Variants in IL7 observed in about 807,000 individuals in gnomAD.
The protein encoded by IL7 is interleukin-7.
Under a neutral mutation model 21.6 loss-of-function variants are expected in IL7, and 3 were observed. The ratio of observed to expected loss-of-function variants is 0.14; its 90% CI spans 0.06 to 0.36. The LOEUF is 0.36. IL7 is among the 10% of genes least tolerant of loss of function. The pLI is 1.00. For synonymous variants in IL7, 62 were observed against 68.1 expected (o/e 0.91, Z 0.44); for missense variants, 175 against 200.2 (o/e 0.87, Z 0.76).
At chr8:78,689,126 T>G in intron 3 of IL7, 1 of 909,096 alleles carries the variant, frequency 1.1e-6, no homozygotes, top group Non-Finnish European at 1.5e-6. Flanking sequence ...ATGTTATTAC[T>G]TATATTTTTT....
At chr8:78,770,123 G>T (rs1288764304) in intron 2 of IL7, among the ~76,000 whole-genome samples, 1 of 152,148 alleles carries the variant, frequency 6.6e-6, no homozygotes, top group Non-Finnish European at 1.5e-5. Flanking sequence ...ACATAGGCAT[G>T]GGCAAGAGCT....
intron 2 of IL7, among the ~76,000 whole-genome samples, chr8:78,778,935 A>G (rs1290751123): frequency 1.3e-5 from 2 of 151,950 alleles, no homozygotes; most frequent in Admixed American, 6.6e-5. Flanking sequence ...AGTGGTTTGT[A>G]TTTCTCCCTG....
chr8:78,680,232 A>G (rs1809727055), intron 4 of IL7, among the ~76,000 whole-genome samples: 1 of 144,988 alleles, frequency 6.9e-6, no homozygotes, highest in Admixed American at 7.4e-5. Context: ...AATTCTAGAA[A>G]AAAGCAAAGT....
At chr8:78,730,566 A>G (rs1467716109), downstream of IL7, among the ~76,000 whole-genome samples, 3 of 151,928 alleles carry the variant, frequency 2.0e-5, no homozygotes, top group African/African-American at 7.2e-5. Context: ...GTCCTAAATT[A>G]GTTATGTTTT....
At chr8:78,712,041 G>A in intron 3 of IL7, 1 of 1,289,670 alleles carries the variant, frequency 7.8e-7, no homozygotes, top group South Asian at 1.2e-5. Flanking sequence ...TTGTGCAAAG[G>A]TTGTATGACA....
At chr8:78,689,311 A>C (rs147883140) in intron 3 of IL7, 3 of 1,605,082 alleles carry the variant, frequency 1.9e-6, no homozygotes, top group African/African-American at 1.3e-5. Flanking sequence ...GGCAGCACGT[A>C]TTAGTAATAA....
downstream of IL7, chr8:78,717,461 T>G: frequency 6.3e-7 from 1 of 1,599,186 alleles, no homozygotes; most frequent in South Asian, 1.1e-5. Context: ...CAAATTTTGC[T>G]GTGAATGTGG....
chr8:78,750,429 A>T (rs1222225246), intron 2 of IL7, among the ~76,000 whole-genome samples: 1 of 152,192 alleles, frequency 6.6e-6, no homozygotes, highest in African/African-American at 2.4e-5. Flanking sequence ...AAGGCATACT[A>T]GAAGGCAAAA....
intron 2 of IL7, among the ~76,000 whole-genome samples, chr8:78,756,241 G>C (rs900202337): frequency 6.6e-6 from 1 of 151,746 alleles, no homozygotes; most frequent in African/African-American, 2.4e-5. Flanking sequence ...TTAGTATTTT[G>C]TTGAGAAACT....
At chr8:78,690,411 T>G (rs925148116) in intron 3 of IL7, among the ~76,000 whole-genome samples, 1 of 151,966 alleles carries the variant, frequency 6.6e-6, no homozygotes. Context: ...ATACAAAAAA[T>G]TAGCTGGACG....
intron 4 of IL7, among the ~76,000 whole-genome samples, chr8:78,737,123 A>G (rs1276664114): frequency 1.3e-5 from 2 of 152,186 alleles, no homozygotes; most frequent in African/African-American, 4.8e-5. Context: ...TAATTTTGGA[A>G]CATGATGATC....
intron 3 of IL7, among the ~76,000 whole-genome samples, chr8:78,739,729 A>G (rs147649305): frequency 6.6e-6 from 1 of 152,072 alleles, no homozygotes; most frequent in East Asian, 1.9e-4. Flanking sequence ...GAAAGAAAAT[A>G]AGAGATAGGT....
downstream of IL7, chr8:78,715,417 CTATT>C: frequency 8.2e-7 from 1 of 1,214,608 alleles, no homozygotes; most frequent in Non-Finnish European, 1.1e-6. Context: ...AAGTAACAAG[CTATT>C]TATAGAAAAC....
chr8:78,747,878 CAAG>C (rs1379645285), intron 2 of IL7, among the ~76,000 whole-genome samples: 2 of 152,150 alleles, frequency 1.3e-5, no homozygotes, highest in East Asian at 3.9e-4. Flanking sequence ...GAAGCCTATA[CAAG>C]AAGATTTTAC....
downstream of IL7, among the ~76,000 whole-genome samples, chr8:78,717,020 A>ATT (rs1197372125): frequency 2.6e-5 from 4 of 151,846 alleles, no homozygotes; most frequent in African/African-American, 7.3e-5. Context: ...AGTCAGTTAA[A>ATT]CCTCTTTTCT....
intron 3 of IL7, among the ~76,000 whole-genome samples, chr8:78,704,575 T>A (rs1810711730): frequency 6.6e-6 from 1 of 152,138 alleles, no homozygotes; most frequent in Non-Finnish European, 1.5e-5. Flanking sequence ...ATTATGTGTC[T>A]TGTGGATGAT....
At chr8:78,712,160 CT>C in intron 3 of IL7, 1 of 1,055,148 alleles carries the variant, frequency 9.5e-7, no homozygotes, top group Middle Eastern at 2.4e-4. Flanking sequence ...TCCTTAAAAG[CT>C]TTATATAATG....
In IL7 at chr8:78,804,956, G is replaced by GC. The variant is rs1419852176; in HGVS notation, c.-35dup. 1.9e-6 allele frequency: 3 copies of GC among 1,607,534 alleles called. No homozygotes were observed. The highest frequency in any genetic ancestry group is 2.6e-6 in the Non-Finnish European group (3 of 1,176,162). ...GGAGGCGGGCGTAGTCATGATGACCGCAACTGGAGCAGGAGCAAGCTCTCA... is the reference window on the plus strand; with the variant it reads ...GGAGGCGGGCGTAGTCATGATGACCGCCAACTGGAGCAGGAGCAAGCTCTCA... On this transcript the variant is annotated 5_prime_UTR_variant, in exon 1 of 6. It removes the in-frame stop codon of an upstream open reading frame in the 5' UTR. Transcript: ENST00000263851.
intron 3 of IL7, among the ~76,000 whole-genome samples, chr8:78,727,731 A>C (rs1303841364): frequency 1.3e-5 from 2 of 151,974 alleles, no homozygotes; most frequent in African/African-American, 4.8e-5. Flanking sequence ...TAAACATCAG[A>C]AAGTAAGTTG....
Sources: gnomAD v4.1 joint callset for allele counts (sites outside exome capture counted in the v4.1 genomes callset) on GRCh38, gnomAD v4.1.1 for gene constraint, MANE v1.5 for transcripts, NCBI Gene and HGNC (gene_info 2026-07-23, HGNC 2026-07-21) for gene names.